LARGE1: variants seen among roughly 807,000 people sequenced by gnomAD.
LARGE1 encodes the protein xylosyl- and glucuronyltransferase LARGE1.
In LARGE1, 43 loss-of-function variants were observed where a neutral mutation model predicts 87.6. That is an observed-to-expected ratio of 0.49 (90% CI 0.38 to 0.63). The LOEUF is 0.63. LARGE1 is among the 30% of genes least tolerant of loss of function. The probability of loss-of-function intolerance (pLI) is 0.00; values close to 1 mark genes in which losing one functional copy is unlikely to be tolerated. For synonymous variants in LARGE1, 434 were observed against 394.6 expected, an observed-to-expected ratio of 1.10 and a Z score of -1.18; for missense variants, 802 against 1,000.2, an observed-to-expected ratio of 0.80 and a Z score of 2.67.
At chr22:33,557,622 G>A (rs1041423773) in intron 6 of LARGE1, among the ~76,000 whole-genome samples, 23 of 152,314 alleles carry the variant, frequency 1.5e-4, no homozygotes, top group East Asian at 5.8e-4. Flanking sequence ...CTGGAGTGCA[G>A]TGGTGCAATC....
In LARGE1 at chr22:33,360,935, G is replaced by A. The variant is rs1430598074; in HGVS notation, c.1131+20984C>T. ...TGTAATCCCGATAAAACCCCATGTC[G>A]GCCGGGCACAGTGGCTCACGCCTAT... is the stretch of plus-strand genomic sequence containing the variant. On this transcript the variant is annotated intron_variant, in intron 9 of 14. Coordinates refer to ENST00000397394, the MANE Select transcript of LARGE1 (RefSeq NM_133642.5). Among the ~76,000 whole-genome samples the A allele has an allele frequency of 2.7e-5, 4 of 149,608 alleles. 1 individual carries two copies. Among genetic ancestry groups the A allele is most frequent in the Non-Finnish European group, 6.0e-5 (4 of 67,122 alleles).
chr22:33,696,293 C>CA (rs1212686528), intron 2 of LARGE1, among the ~76,000 whole-genome samples: 2 of 138,226 alleles, frequency 1.4e-5, no homozygotes, highest in African/African-American at 5.5e-5. Flanking sequence ...GACAGAGTCT[C>CA]ACTCTGTTGC....
At chr22:33,711,218 G>A (rs1223006373) in intron 2 of LARGE1, among the ~76,000 whole-genome samples, 1 of 152,204 alleles carries the variant, frequency 6.6e-6, no homozygotes, top group Non-Finnish European at 1.5e-5. Context: ...AGAGCAAGGG[G>A]TGGCCACCAG....
intron 1 of LARGE1, among the ~76,000 whole-genome samples, chr22:33,816,412 T>C (rs1039617315): frequency 6.6e-6 from 1 of 152,204 alleles, no homozygotes; most frequent in Non-Finnish European, 1.5e-5. Flanking sequence ...GAGAGTCTGC[T>C]TTCTGTTCAC....
chr22:33,363,809 CAG>C (rs1367541350), intron 9 of LARGE1, among the ~76,000 whole-genome samples: 5 of 149,754 alleles, frequency 3.3e-5, no homozygotes, highest in Non-Finnish European at 7.4e-5. Context: ...ATTGCGATCC[CAG>C]AGAGTCAATC....
At chr22:33,753,090 C>T (rs952827209) in intron 2 of LARGE1, among the ~76,000 whole-genome samples, 2 of 152,046 alleles carry the variant, frequency 1.3e-5, no homozygotes, top group Non-Finnish European at 2.9e-5. Flanking sequence ...CGTGGTGGCA[C>T]GTGCCTGTAA....
intron 1 of LARGE1, among the ~76,000 whole-genome samples, chr22:33,774,942 C>A (rs2085186724): frequency 6.6e-6 from 1 of 152,094 alleles, no homozygotes; most frequent in Non-Finnish European, 1.5e-5. Context: ...AGGCAGACAG[C>A]CCAGGAAGCT....
chr22:33,396,985 A>G (rs1208979136), intron 7 of LARGE1, among the ~76,000 whole-genome samples: 2 of 152,234 alleles, frequency 1.3e-5, no homozygotes, highest in Non-Finnish European at 2.9e-5. Context: ...TGCATAGATC[A>G]TAACTGTACA....
chr22:33,410,058 A>C (rs932397725), intron 7 of LARGE1, among the ~76,000 whole-genome samples: 1 of 152,132 alleles, frequency 6.6e-6, no homozygotes, highest in Non-Finnish European at 1.5e-5. Context: ...ATGCCTGTCC[A>C]GTATATAGGG....
chr22:33,786,946 G>A (rs111539301), intron 1 of LARGE1, among the ~76,000 whole-genome samples: 4,384 of 151,688 alleles, frequency 0.029, 79 homozygotes, highest in Middle Eastern at 0.048. Context: ...ACTGGAACCC[G>A]GGAAGCAGAG....
In LARGE1 at chr22:33,570,955, C is replaced by T. The variant is rs536799980; in HGVS notation, c.616-5936G>A. Among the ~76,000 whole-genome samples, 25 of 152,122 alleles carry T rather than the reference C, an allele frequency of 1.6e-4. No homozygotes were observed. In the East Asian group the frequency reaches 4.8e-3, roughly 29 times the overall value. ...CTGGAGGGCACCAGGCAAATTTTCC[C>T]GAGAGCACCCCATAGAGAAGTCAAC... is the stretch of plus-strand genomic sequence containing the variant. On this transcript the variant is annotated intron_variant, in intron 5 of 14. Transcript: ENST00000397394.
intron 1 of LARGE1, among the ~76,000 whole-genome samples, chr22:33,772,256 G>A (rs764468824): frequency 3.0e-4 from 45 of 152,054 alleles, no homozygotes; most frequent in Middle Eastern, 3.4e-3. Context: ...TGGTGTGAAC[G>A]CAGGAGGCAG....
chr22:33,508,274 CA>C, intron 6 of LARGE1, among the ~76,000 whole-genome samples: 1 of 152,170 alleles, frequency 6.6e-6, no homozygotes, highest in Admixed American at 6.5e-5. Context: ...CTGGGCAAGG[CA>C]CAGGGGCCAC....
chr22:33,081,645 A>G, the LARGE1 span, among the ~76,000 whole-genome samples: 1 of 152,228 alleles, frequency 6.6e-6, no homozygotes, highest in Non-Finnish European at 1.5e-5. Context: ...AACTATGGAC[A>G]TGCTCATCAG....
chr22:33,498,327 C>T (rs2070250604), intron 6 of LARGE1, among the ~76,000 whole-genome samples: 1 of 152,176 alleles, frequency 6.6e-6, no homozygotes, highest in African/African-American at 2.4e-5. Flanking sequence ...ATAACAGTAA[C>T]AGTCCTTCAG....
chr22:33,252,259 C>A (rs894871128), intron 11 of LARGE1, among the ~76,000 whole-genome samples: 6 of 142,228 alleles, frequency 4.2e-5, no homozygotes, highest in Non-Finnish European at 6.1e-5. Flanking sequence ...ATTCCCCCCC[C>A]CCCCGCCATT....
intron 2 of LARGE1, among the ~76,000 whole-genome samples, chr22:33,708,848 C>T (rs2082641136): frequency 6.6e-6 from 1 of 152,150 alleles, no homozygotes; most frequent in African/African-American, 2.4e-5. Flanking sequence ...ATCCGCCCGC[C>T]TTGGCCTCCC....
chr22:33,868,248 T>C (rs901021488), intron 1 of LARGE1, among the ~76,000 whole-genome samples: 1 of 152,168 alleles, frequency 6.6e-6, no homozygotes, highest in African/African-American at 2.4e-5. Flanking sequence ...GAGAGGCAAC[T>C]ACCACAGCCG....
At chr22:33,321,372 G>A (rs1488285819) in intron 10 of LARGE1, among the ~76,000 whole-genome samples, 1 of 152,182 alleles carries the variant, frequency 6.6e-6, no homozygotes, top group Non-Finnish European at 1.5e-5. Flanking sequence ...ATACATATTA[G>A]AGGGAGTCCC....
Sources: allele counts gnomAD v4.1 joint callset (sites outside exome capture counted in the v4.1 genomes callset), GRCh38; gene constraint gnomAD v4.1.1; transcripts MANE v1.5; gene names NCBI Gene and HGNC (gene_info 2026-07-23, HGNC 2026-07-21).